Variants in FARP1 observed in about 807,000 individuals in gnomAD.
FARP1 encodes FERM, ARHGEF and pleckstrin domain-containing protein 1.
A neutral mutation model predicts 128.8 loss-of-function variants in FARP1; 52 were observed. The observed-to-expected ratio is 0.40, with a 90% CI of 0.32 to 0.51. The LOEUF is 0.51. Among genes scored for constraint, FARP1 ranks in the 20% least tolerant of loss-of-function variants. FARP1 has a pLI of 0.45. For missense variants in FARP1, 1,333 were observed against 1,367.9 expected, an observed-to-expected ratio of 0.97 and a Z score of 0.40; for synonymous variants, 580 against 551.8, an observed-to-expected ratio of 1.05 and a Z score of -0.72.
intron 2 of FARP1, among the ~76,000 whole-genome samples, chr13:98,285,266 C>T (rs1418150899): frequency 1.3e-5 from 2 of 152,134 alleles, no homozygotes; most frequent in African/African-American, 4.8e-5. Flanking sequence ...TCCCCACCCC[C>T]CATAACCTGG....
intron 2 of FARP1, among the ~76,000 whole-genome samples, chr13:98,271,441 C>T (rs1219989469): frequency 9.2e-5 from 14 of 152,122 alleles, no homozygotes; most frequent in African/African-American, 2.9e-4. Flanking sequence ...ATGTGTAGAA[C>T]GTGCAGGTTT....
intron 2 of FARP1, among the ~76,000 whole-genome samples, chr13:98,290,987 T>C (rs1408227614): frequency 6.6e-6 from 1 of 152,180 alleles, no homozygotes; most frequent in Non-Finnish European, 1.5e-5. Flanking sequence ...TCTCTGATTA[T>C]ATAAGTAAAT....
At chr13:98,251,031 A>G (rs1883297435) in intron 2 of FARP1, among the ~76,000 whole-genome samples, 1 of 152,248 alleles carries the variant, frequency 6.6e-6, no homozygotes, top group South Asian at 2.1e-4. Flanking sequence ...GACTTCATAG[A>G]TGTTTATGAA....
chr13:98,332,983 A>G (rs1255642310), intron 2 of FARP1: 1 of 152,230 alleles, frequency 6.6e-6, no homozygotes, highest in Non-Finnish European at 1.5e-5. Context: ...GTATTAGTAT[A>G]TGATACCAGG....
intron 1 of FARP1, among the ~76,000 whole-genome samples, chr13:98,153,824 A>C (rs1876305547): frequency 6.6e-6 from 1 of 151,808 alleles, no homozygotes; most frequent in Non-Finnish European, 1.5e-5. Context: ...CAGCCTCCCA[A>C]AGTGCTGGGA....
intron 17 of FARP1, among the ~76,000 whole-genome samples, chr13:98,427,873 C>G (rs1017554400): frequency 2.0e-4 from 30 of 152,260 alleles, no homozygotes; most frequent in African/African-American, 7.2e-4. Context: ...TGCTGAGAGT[C>G]ACTGGCAGCC....
intron 2 of FARP1, among the ~76,000 whole-genome samples, chr13:98,298,681 T>C (rs1005170723): frequency 2.6e-5 from 4 of 152,174 alleles, no homozygotes; most frequent in African/African-American, 4.8e-5. Flanking sequence ...ATTCTTTGGT[T>C]ATGGGACATG....
intron 3 of FARP1, among the ~76,000 whole-genome samples, chr13:98,364,954 T>G (rs760002985): frequency 1.3e-5 from 2 of 152,206 alleles, no homozygotes; most frequent in Non-Finnish European, 2.9e-5. Flanking sequence ...AGAGGTGGTG[T>G]TCTGTAAATA....
At chr13:98,170,788 G>A (rs1486669382) in intron 1 of FARP1, among the ~76,000 whole-genome samples, 2 of 152,022 alleles carry the variant, frequency 1.3e-5, no homozygotes, top group African/African-American at 4.8e-5. Context: ...CACCGCGCCC[G>A]GCCATCTACA....
At chr13:98,314,384 AT>A (rs1886631470) in intron 2 of FARP1, among the ~76,000 whole-genome samples, 1 of 136,612 alleles carries the variant, frequency 7.3e-6, no homozygotes. Context: ...GGTTCAAGCG[AT>A]TCTCCTGCCT....
At position 98,395,728 on chromosome 13, in the gene FARP1, C is replaced by A. The variant is rs1299372270; in HGVS notation, c.1414+252C>A. ...GCACTCTGCGAAGTCCTCCCGGCCT[C>A]CTTCCGGAGAATTCCTTGATGACGA... On this transcript the variant is annotated intron_variant, in intron 13 of 26. Coordinates refer to ENST00000319562, the MANE Select transcript of FARP1 (RefSeq NM_005766.4). The A allele has an allele frequency of 2.1e-5, 9 of 429,570 alleles. No individual in the cohort carries two copies. In the East Asian group the frequency reaches 3.1e-4, roughly 15 times the overall value. 26.6% of individuals were successfully genotyped at this position (429,570 alleles called of 1,614,324 possible). A position where few individuals can be genotyped will look rare whatever the true frequency, so the allele number is the denominator to read the frequency against.
intron 1 of FARP1, among the ~76,000 whole-genome samples, chr13:98,184,298 A>G (rs1878719271): frequency 6.6e-6 from 1 of 151,976 alleles, no homozygotes; most frequent in African/African-American, 2.4e-5. Flanking sequence ...TTGTATTTTT[A>G]GTAGAGATGG....
chr13:98,341,987 G>A (rs758889751), intron 2 of FARP1, among the ~76,000 whole-genome samples: 6 of 152,148 alleles, frequency 3.9e-5, no homozygotes, highest in Non-Finnish European at 7.3e-5. Flanking sequence ...AGACACATAG[G>A]TACTAAACCA....
At chr13:98,297,096 GCTTT>G (rs1317425222) in intron 2 of FARP1, among the ~76,000 whole-genome samples, 1 of 152,192 alleles carries the variant, frequency 6.6e-6, no homozygotes, top group African/African-American at 2.4e-5. Context: ...GGGGCATAGG[GCTTT>G]CTTTATTGTG....
intron 2 of FARP1, chr13:98,328,362 T>C (rs1887324565): frequency 6.6e-6 from 1 of 152,194 alleles, no homozygotes; most frequent in African/African-American, 2.4e-5. Flanking sequence ...GGAGGGTCTG[T>C]TCTGTGGGTT....
intron 16 of FARP1, among the ~76,000 whole-genome samples, chr13:98,417,514 T>C (rs1205697171): frequency 7.9e-6 from 1 of 126,286 alleles, no homozygotes; most frequent in Non-Finnish European, 1.6e-5. Flanking sequence ...GTCCAGAAGA[T>C]AGCCGGTCTT....
At chr13:98,309,608 G>A (rs1199746026) in intron 2 of FARP1, among the ~76,000 whole-genome samples, 1 of 152,208 alleles carries the variant, frequency 6.6e-6, no homozygotes, top group Non-Finnish European at 1.5e-5. Flanking sequence ...TGCGAGATGG[G>A]AGACTTCCAT....
intron 13 of FARP1, chr13:98,398,525 T>A (rs1890642884): frequency 6.6e-6 from 1 of 152,226 alleles, no homozygotes; most frequent in Middle Eastern, 3.2e-3. Context: ...CAATAGGAGC[T>A]TTTTGATTCA....
intron 5 of FARP1, among the ~76,000 whole-genome samples, chr13:98,370,951 G>C (rs1470337832): frequency 1.3e-5 from 2 of 152,198 alleles, no homozygotes; most frequent in Non-Finnish European, 2.9e-5. Flanking sequence ...GCACAGGACT[G>C]AGGGCTGGCT....
Sources: gnomAD v4.1 joint callset for allele counts (sites outside exome capture counted in the v4.1 genomes callset) on GRCh38, gnomAD v4.1.1 for gene constraint, MANE v1.5 for transcripts, NCBI Gene and HGNC (gene_info 2026-07-23, HGNC 2026-07-21) for gene names.